The following ATP10B variants were observed in gnomAD, a reference collection of about 807,000 sequenced individuals.
ATP10B encodes the protein ATPase phospholipid transporting 10B (putative), also known as phospholipid-transporting ATPase VB.
In ATP10B, 122 loss-of-function variants were observed where a neutral mutation model predicts 141.2. The observed-to-expected ratio is 0.86, with a 90% confidence interval of 0.75 to 1.00. The LOEUF (loss-of-function observed/expected upper bound fraction) is 1.00, where lower values mean the gene tolerates loss of function less well. Among genes scored for constraint, ATP10B ranks in the 50% least tolerant of loss-of-function variants. The pLI is 0.00. For synonymous variants in ATP10B, 685 were observed against 692.0 expected, an observed-to-expected ratio of 0.99 and a Z score of 0.16; for missense variants, 1,876 against 1,825.3, an observed-to-expected ratio of 1.03 and a Z score of -0.51.
At chr5:160,655,353 G>A (rs894679589) in intron 7 of ATP10B, among the ~76,000 whole-genome samples, 33 of 151,034 alleles carry the variant, frequency 2.2e-4, no homozygotes, top group African/African-American at 5.9e-4. Flanking sequence ...TTCCACCCCC[G>A]CCAATCAGAA....
intron 24 of ATP10B, among the ~76,000 whole-genome samples, chr5:160,582,557 T>C (rs778774212): frequency 1.8e-4 from 28 of 152,194 alleles, no homozygotes; most frequent in Non-Finnish European, 3.7e-4. Flanking sequence ...GACCTTTCTC[T>C]CTGGTTGCCC....
the ATP10B span, among the ~76,000 whole-genome samples, chr5:160,866,675 AAAAAC>A: frequency 6.6e-6 from 1 of 152,176 alleles, no homozygotes; most frequent in Non-Finnish European, 1.5e-5. Flanking sequence ...ACCCTGTCTC[AAAAAC>A]AAAACAAAAC....
chr5:160,672,156 T>C (rs1346302593), intron 6 of ATP10B, among the ~76,000 whole-genome samples: 1 of 151,752 alleles, frequency 6.6e-6, no homozygotes, highest in East Asian at 1.9e-4. Context: ...TTTGTATTTT[T>C]AGTAGAGATG....
At chr5:160,924,522 G>A in the ATP10B span, among the ~76,000 whole-genome samples, 1 of 152,230 alleles carries the variant, frequency 6.6e-6, no homozygotes, top group Non-Finnish European at 1.5e-5. Flanking sequence ...AGCCTTGCGT[G>A]TTTGGTGCAG....
chr5:160,644,034 G>A lies in ATP10B; in HGVS notation c.868+104C>T, dbSNP rs1760085341. ...GAAATGGGAAGTTACATGAGTAAAT[G>A]GGAAGTTACTGTGAACAGTTGTTGG... On this transcript the variant is annotated intron_variant, in intron 9 of 25. Coordinates refer to ENST00000327245, the MANE Select transcript of ATP10B (RefSeq NM_025153.3). 5 of 911,042 alleles carry A rather than the reference G, an allele frequency of 5.5e-6. No homozygotes were observed. The East Asian group carries it at 1.0e-4, about 18-fold the overall frequency. 56.4% of individuals were successfully genotyped at this position (911,042 alleles called of 1,614,324 possible).
intron 3 of ATP10B, among the ~76,000 whole-genome samples, chr5:160,701,624 A>T (rs948727398): frequency 6.6e-6 from 1 of 152,046 alleles, no homozygotes; most frequent in Non-Finnish European, 1.5e-5. Flanking sequence ...TGCCTGCTGG[A>T]AGTAGTCACC....
intron 6 of ATP10B, among the ~76,000 whole-genome samples, chr5:160,685,843 C>T (rs140909890): frequency 6.6e-6 from 1 of 152,206 alleles, no homozygotes; most frequent in African/African-American, 2.4e-5. Context: ...TTTAGCAGAA[C>T]CCCCGGATTT....
intron 1 of ATP10B, among the ~76,000 whole-genome samples, chr5:160,796,800 A>T (rs1354341616): frequency 1.3e-5 from 2 of 152,144 alleles, no homozygotes; most frequent in Non-Finnish European, 2.9e-5. Context: ...TCCCACCTGC[A>T]CTTGGAGGAC....
rs373593545 is a variant in ATP10B, at chr5:160,586,124, C to T, written c.3750+3468G>A. ...GGTATTTGTCCTAATGCTCTCCCTCCGCTTGTTCCCCACCTCCTGACAGTC... is the reference window on the plus strand; with the variant it reads ...GGTATTTGTCCTAATGCTCTCCCTCTGCTTGTTCCCCACCTCCTGACAGTC... On this transcript the variant is annotated intron_variant, in intron 24 of 25. Transcript: ENST00000327245. Among the ~76,000 whole-genome samples, 198 of 152,258 alleles carry T rather than the reference C, an allele frequency of 1.3e-3. 3 individuals carry two copies. In the South Asian group the frequency reaches 0.025, roughly 19 times the overall value.
intron 1 of ATP10B, among the ~76,000 whole-genome samples, chr5:160,809,145 C>T (rs1772976590): frequency 1.3e-5 from 2 of 152,140 alleles, no homozygotes; most frequent in Admixed American, 1.3e-4. Context: ...GTGAAGGCTA[C>T]ATAGTAAAAA....
chr5:160,716,398 A>G (rs1410339300), intron 3 of ATP10B, among the ~76,000 whole-genome samples: 1 of 152,184 alleles, frequency 6.6e-6, no homozygotes, highest in East Asian at 1.9e-4. Flanking sequence ...TAGCATCCCC[A>G]TTTTACAGAT....
At chr5:160,825,735 G>A (rs1207233601) in intron 1 of ATP10B, among the ~76,000 whole-genome samples, 2 of 152,036 alleles carry the variant, frequency 1.3e-5, no homozygotes, top group African/African-American at 4.8e-5. Flanking sequence ...TTATTACATG[G>A]TATACTGTAT....
intron 21 of ATP10B, among the ~76,000 whole-genome samples, chr5:160,599,635 C>A (rs1046228780): frequency 6.6e-6 from 1 of 152,164 alleles, no homozygotes; most frequent in East Asian, 1.9e-4. Flanking sequence ...ACGGTGACCT[C>A]GTGAGAAGGT....
At chr5:160,809,524 A>G (rs1026664375) in intron 1 of ATP10B, among the ~76,000 whole-genome samples, 9 of 152,222 alleles carry the variant, frequency 5.9e-5, no homozygotes, top group African/African-American at 2.2e-4. Flanking sequence ...TCAAACATTT[A>G]TCATTTCTAT....
intron 22 of ATP10B, among the ~76,000 whole-genome samples, chr5:160,596,081 C>T (rs1196457038): frequency 6.6e-6 from 1 of 151,582 alleles, no homozygotes; most frequent in Non-Finnish European, 1.5e-5. Flanking sequence ...CGGGCAGAGA[C>T]ACAACCAAAA....
rs1214565389 is a variant in ATP10B at position 160,662,376 on chromosome 5, T to C, written c.675+8087A>G. The stretch of plus-strand genomic sequence containing the variant: ...CAAAAGAACAAAGCTGGAGGCATCA[T>C]GCTACCTGACTTCAAACTATACTAC... On this transcript the variant is annotated intron_variant, in intron 7 of 25. Coordinates refer to ENST00000327245, the MANE Select transcript of ATP10B (RefSeq NM_025153.3). Among the ~76,000 whole-genome samples the C allele has an allele frequency of 6.9e-4, 105 of 152,148 alleles. No individual in the cohort carries two copies. The South Asian group carries it at 0.017, about 24-fold the overall frequency.
At chr5:160,746,347 A>G (rs1581453806) in intron 2 of ATP10B, among the ~76,000 whole-genome samples, 1 of 151,680 alleles carries the variant, frequency 6.6e-6, no homozygotes, top group Non-Finnish European at 1.5e-5. Flanking sequence ...TGATCCACTT[A>G]CATAATGTTC....
At chr5:160,776,499 C>T (rs115983153) in intron 2 of ATP10B, among the ~76,000 whole-genome samples, 2,113 of 152,274 alleles carry the variant, frequency 0.014, 55 homozygotes, top group African/African-American at 0.048. Context: ...GGTGCAATTA[C>T]TGCTCTGTTT....
At chr5:160,832,788 G>A (rs1331487063) in intron 1 of ATP10B, among the ~76,000 whole-genome samples, 1 of 152,172 alleles carries the variant, frequency 6.6e-6, no homozygotes, top group African/African-American at 2.4e-5. Context: ...TGCCACAGCT[G>A]TATCATCCCG....
Sources: gnomAD v4.1 joint callset for allele counts (sites outside exome capture counted in the v4.1 genomes callset) on GRCh38, gnomAD v4.1.1 for gene constraint, MANE v1.5 for transcripts, NCBI Gene and HGNC (gene_info 2026-07-23, HGNC 2026-07-21) for gene names.